Variants in TCERG1 observed in about 807,000 individuals in gnomAD.
TCERG1 encodes the protein TATA box binding protein (TBP)-associated factor, RNA polymerase II, S, 150kD.
A neutral mutation model predicts 144.7 loss-of-function variants in TCERG1; 37 were observed. That is an observed-to-expected ratio of 0.26 (90% CI 0.20 to 0.34). The LOEUF is 0.34. TCERG1 is among the 10% of genes least tolerant of loss of function. TCERG1 has a pLI of 1.00. For missense variants in TCERG1, 1,027 were observed against 1,380.7 expected (o/e 0.74, Z 4.06); for synonymous variants, 492 against 458.2 (o/e 1.07, Z -0.94).
intron 3 of TCERG1, 74 bp downstream of exon 3, chr5:146,457,409 G>A: frequency 1.4e-6 from 2 of 1,388,604 alleles, no homozygotes; most frequent in Non-Finnish European, 1.9e-6. Context: ...GGCAGATTGA[G>A]GTCAGTGATA....
rs781586730 is a variant in TCERG1, at chr5:146,463,808, T to G, written c.1135+15T>G. ...TCCACTTCCAGGTAAACCAACAGAT[T>G]ATAATGGTCTTTCCAGCTATGTTTT... is the stretch of plus-strand genomic sequence containing the variant. On this transcript the variant is annotated intron_variant, in intron 5 of 22. Transcript: ENST00000679501. 2.5e-6 allele frequency: 4 copies of G among 1,614,026 alleles called. No homozygotes were observed. The South Asian group carries it at 4.4e-5, about 18-fold the overall frequency.
At chr5:146,506,066 C>T (rs921599227) in intron 19 of TCERG1, among the ~76,000 whole-genome samples, 10 of 152,188 alleles carry the variant, frequency 6.6e-5, no homozygotes, top group East Asian at 1.9e-4. Context: ...CCACCGCACC[C>T]GGCCTTTTTA....
Position 146,455,292 on chromosome 5 carries a change from T to C in TCERG1, c.285+11T>C, listed in dbSNP as rs1387321509. 6.2e-7 allele frequency: 1 copy of C among 1,613,024 alleles called. No homozygotes were observed. The highest frequency in any genetic ancestry group is 1.3e-5 in the African/African-American group (1 of 74,912). On this transcript the variant is annotated intron_variant, in intron 2 of 22. Transcript: ENST00000679501. ...CCTCCACACCTCCAGGTAAAGAATG[T>C]AGAGGTTGCCATTTCTTTGTTGGCA...
At chr5:146,508,858 A>G (rs547368636) in intron 21 of TCERG1, among the ~76,000 whole-genome samples, 1 of 152,274 alleles carries the variant, frequency 6.6e-6, no homozygotes, top group East Asian at 1.9e-4. Flanking sequence ...ATTGAAGTAG[A>G]TGATCCTCAT....
chr5:146,465,446 T>G (rs1015746195), intron 5 of TCERG1, among the ~76,000 whole-genome samples: 1 of 152,208 alleles, frequency 6.6e-6, no homozygotes, highest in African/African-American at 2.4e-5. Context: ...AGTAGAAGTT[T>G]CTCACAATAA....
At chr5:146,447,437 C>T (rs1370580020) in intron 1 of TCERG1, 29 bp downstream of exon 1, 1 of 1,603,952 alleles carries the variant, frequency 6.2e-7, no homozygotes, top group African/African-American at 1.3e-5. Context: ...CTTCACATCT[C>T]TGCTCACGAG....
chr5:146,504,118 A>G (rs891402138), intron 19 of TCERG1, 112 bp downstream of exon 19: 18 of 1,129,422 alleles, frequency 1.6e-5, no homozygotes, highest in Non-Finnish European at 2.0e-5. Flanking sequence ...ATAATTTGCT[A>G]AATTAGAAAG....
At chr5:146,510,219 C>G (rs1768349039) in intron 22 of TCERG1, 1 of 767,528 alleles carries the variant, frequency 1.3e-6, no homozygotes, top group Admixed American at 3.2e-5. Flanking sequence ...GGGACCACCA[C>G]TAGGGGTGGG....
intron 3 of TCERG1, among the ~76,000 whole-genome samples, chr5:146,458,539 C>G (rs1763033118): frequency 6.6e-6 from 1 of 151,770 alleles, no homozygotes. Context: ...GTGGTATGAT[C>G]TCGGCGCACT....
intron 15 of TCERG1, among the ~76,000 whole-genome samples, chr5:146,491,038 ATT>A (rs1766361138): frequency 1.3e-5 from 2 of 151,510 alleles, no homozygotes; most frequent in African/African-American, 4.8e-5. Context: ...ATAGTTTCTG[ATT>A]CCACTAAGTT....
At chr5:146,458,187 T>C (rs2150249567) in intron 3 of TCERG1, among the ~76,000 whole-genome samples, 1 of 151,738 alleles carries the variant, frequency 6.6e-6, no homozygotes, top group East Asian at 2.0e-4. Context: ...TTTATTTTTT[T>C]ATTTTTGAGA....
At chr5:146,502,157 A>G (rs938165927) in intron 17 of TCERG1, among the ~76,000 whole-genome samples, 1 of 152,150 alleles carries the variant, frequency 6.6e-6, no homozygotes, top group Non-Finnish European at 1.5e-5. Context: ...CAGCCTCCCA[A>G]ACTGCTGGGA....
chr5:146,447,387 G>T lies in TCERG1; in HGVS notation c.38G>T (p.Arg13Leu). ...GGCGGGGACGGGGGCGAGAGTGAAC[G>T]ATTCAACCCGGGGGAGCTCAGGTAA... ...ERGGDGGESE[R>L]FNPGELRMAQ... Residue 13 changes from arginine to leucine, a missense_variant, in exon 1 of 23, where the codon CGA becomes CTA. Physicochemically the swap from Arg to Leu is moderately radical, Grantham distance 102. This residue lies in a region of TCERG1 where 175 missense variants were observed against 197.0 expected (regional missense o/e 0.89). Transcript: ENST00000679501. 1 of 1,611,718 alleles carries T rather than the reference G, an allele frequency of 6.2e-7. No homozygotes were observed. Among genetic ancestry groups the T allele is most frequent in the African/African-American group, 1.3e-5 (1 of 74,828 alleles).
intron 1 of TCERG1, 48 bp downstream of exon 1, chr5:146,447,456 A>C (rs754811980): frequency 6.3e-7 from 1 of 1,586,662 alleles, no homozygotes; most frequent in Non-Finnish European, 8.6e-7. Context: ...AGAGCCCCAG[A>C]GGCTAGACGC....
chr5:146,500,161 A>G (rs1253760894), intron 17 of TCERG1, among the ~76,000 whole-genome samples: 5 of 152,008 alleles, frequency 3.3e-5, no homozygotes, highest in African/African-American at 9.6e-5. Context: ...TTGGCTTTAT[A>G]CCATTACTAG....
At position 146,459,279 on chromosome 5, in the gene TCERG1, C is replaced by T; in HGVS notation, c.834C>T (p.Thr278=). 2.5e-6 allele frequency: 4 copies of T among 1,614,266 alleles called. No individual in the cohort carries two copies. The highest frequency in any genetic ancestry group is 3.4e-6 in the Non-Finnish European group (4 of 1,180,042). Reference sequence around the variant, plus strand: ...TATCCACTTCAACATCATCATCCACCCCTTCCTCTACCACTTCTACCACAA... The same window carrying T: ...TATCCACTTCAACATCATCATCCACTCCTTCCTCTACCACTTCTACCACAA... ...PAVSTSTSSS[T]PSSTTSTTTT... The change falls in exon 4 of 23, where the codon ACC becomes ACT. Residue 278 remains threonine, a synonymous_variant. Transcript: ENST00000679501.
intron 1 of TCERG1, among the ~76,000 whole-genome samples, chr5:146,452,836 C>G: frequency 6.6e-6 from 1 of 152,200 alleles, no homozygotes. Context: ...AAATGATCTG[C>G]CTGCCTTGGC....
At chr5:146,483,291 A>G (rs1378585401) in intron 14 of TCERG1, among the ~76,000 whole-genome samples, 1 of 152,170 alleles carries the variant, frequency 6.6e-6, no homozygotes, top group Non-Finnish European at 1.5e-5. Context: ...AATGTCACAC[A>G]GTAGTAGTTA....
Position 146,459,072 on chromosome 5 carries a change from TCAGGCC to T in TCERG1, c.660_665del (p.Ala241_Gln242del). The T allele has an allele frequency of 1.9e-3, 3,045 of 1,606,202 alleles. 35 individuals carry two copies. The African/African-American group carries it at 0.029, about 15-fold the overall frequency. On this transcript the variant is annotated inframe_deletion, in exon 4 of 23. Transcript: ENST00000679501. ...CACAAGCTCAGGCCCAGGCTCAGGC[TCAGGCC>T]CAGGCCCAGGCCCAGGCCCAGGCCC...
Sources: allele counts gnomAD v4.1 joint callset (sites outside exome capture counted in the v4.1 genomes callset), GRCh38; gene constraint gnomAD v4.1.1; regional missense constraint gnomAD v4.1.1; transcripts MANE v1.5; gene names NCBI Gene and HGNC (gene_info 2026-07-23, HGNC 2026-07-21).